Variants in TMEM132B observed in about 807,000 individuals in gnomAD.
TMEM132B encodes transmembrane protein 132B.
In TMEM132B, 18 loss-of-function variants were observed where a neutral mutation model predicts 90.8. The observed-to-expected ratio is 0.20, with a 90% CI of 0.14 to 0.29. TMEM132B has a LOEUF of 0.29. TMEM132B is among the 10% of genes least tolerant of loss of function. The probability of loss-of-function intolerance (pLI) is 1.00; values close to 1 mark genes in which losing one functional copy is unlikely to be tolerated. For missense variants in TMEM132B, 1,096 were observed against 1,326.8 expected (o/e 0.83, Z 2.70); for synonymous variants, 504 against 523.3 (o/e 0.96, Z 0.50).
intron 1 of TMEM132B, among the ~76,000 whole-genome samples, chr12:125,295,017 T>A (rs1875632236): frequency 6.6e-6 from 1 of 152,148 alleles, no homozygotes; most frequent in Non-Finnish European, 1.5e-5. Context: ...TGTGAGCCAC[T>A]CTAAGCTTTT....
At chr12:125,560,370 T>A (rs1884489342) in intron 4 of TMEM132B, among the ~76,000 whole-genome samples, 2 of 152,174 alleles carry the variant, frequency 1.3e-5, no homozygotes, top group African/African-American at 4.8e-5. Context: ...GTGTATATCT[T>A]CCTGAAATAA....
intron 3 of TMEM132B, among the ~76,000 whole-genome samples, chr12:125,519,215 T>G (rs1409869407): frequency 1.3e-5 from 2 of 152,226 alleles, no homozygotes; most frequent in African/African-American, 4.8e-5. Context: ...GACAGCCTGC[T>G]TTCTGCAACA....
chr12:125,338,617 G>A (rs1392478250), intron 1 of TMEM132B, among the ~76,000 whole-genome samples: 1 of 152,146 alleles, frequency 6.6e-6, no homozygotes, highest in Admixed American at 6.5e-5. Context: ...CCAGCAGGTA[G>A]CCAGGAGCCC....
chr12:125,346,673 T>C (rs2197777), intron 1 of TMEM132B, among the ~76,000 whole-genome samples: 45,259 of 152,172 alleles, frequency 0.3, 6,953 homozygotes, highest in South Asian at 0.43. Flanking sequence ...GCTAAAACTT[T>C]AGATGAGGCT....
In TMEM132B at chr12:125,451,966, T is replaced by C. The variant is rs993086064; in HGVS notation, c.1106+36289T>C. The stretch of plus-strand genomic sequence containing the variant: ...GGGTTCCCAAACAAATTAAAGTGTG[T>C]TGGGGGAAGGATGTTGAAAGATTTG... On this transcript the variant is annotated intron_variant, in intron 3 of 8. Coordinates refer to ENST00000682704, the MANE Select transcript of TMEM132B (RefSeq NM_001366854.1). 2.6e-5 allele frequency among the ~76,000 whole-genome samples: 4 copies of C among 152,216 alleles called. No individual in the cohort carries two copies. The East Asian group carries it at 7.7e-4, about 29-fold the overall frequency.
At chr12:125,436,140 T>C (rs1160351480) in intron 3 of TMEM132B, among the ~76,000 whole-genome samples, 1 of 152,108 alleles carries the variant, frequency 6.6e-6, no homozygotes, top group Admixed American at 6.5e-5. Context: ...GTAGAAAGGG[T>C]TTGGGCTCCG....
intron 4 of TMEM132B, among the ~76,000 whole-genome samples, chr12:125,539,830 AT>A (rs1219244020): frequency 6.6e-6 from 1 of 151,976 alleles, no homozygotes; most frequent in Admixed American, 6.6e-5. Flanking sequence ...TTTGCATTAT[AT>A]TTTCATATTT....
intron 3 of TMEM132B, among the ~76,000 whole-genome samples, chr12:125,449,781 A>G (rs1881101907): frequency 6.6e-6 from 1 of 152,188 alleles, no homozygotes; most frequent in Non-Finnish European, 1.5e-5. Flanking sequence ...CCTTAATTCA[A>G]AAATCCTGGT....
chr12:125,235,713 A>G (rs1250601529), intron 1 of TMEM132B, among the ~76,000 whole-genome samples: 2 of 151,814 alleles, frequency 1.3e-5, no homozygotes, highest in African/African-American at 4.8e-5. Context: ...GACTCGTACA[A>G]ATATGTGACC....
intron 3 of TMEM132B, among the ~76,000 whole-genome samples, chr12:125,416,535 C>T (rs1056866285): frequency 5.3e-5 from 8 of 152,224 alleles, no homozygotes; most frequent in Non-Finnish European, 1.2e-4. Flanking sequence ...TTAGGAATGG[C>T]GGAGGCCTTC....
intron 4 of TMEM132B, among the ~76,000 whole-genome samples, chr12:125,580,116 C>A (rs980361212): frequency 6.6e-6 from 1 of 152,128 alleles, no homozygotes; most frequent in Non-Finnish European, 1.5e-5. Flanking sequence ...CAAAATCAAC[C>A]AGAGGTGAAA....
intron 5 of TMEM132B, among the ~76,000 whole-genome samples, chr12:125,620,848 G>A (rs1277763046): frequency 6.6e-6 from 1 of 152,188 alleles, no homozygotes; most frequent in Non-Finnish European, 1.5e-5. Flanking sequence ...AAGAATAGCA[G>A]CATGAGAGTA....
intron 6 of TMEM132B, among the ~76,000 whole-genome samples, chr12:125,648,963 A>G (rs1172433252): frequency 6.6e-6 from 1 of 152,244 alleles, no homozygotes; most frequent in Non-Finnish European, 1.5e-5. Context: ...CTTTAAAGAC[A>G]TCCTAGCACA....
At chr12:125,269,556 C>T (rs1330399860) in intron 1 of TMEM132B, among the ~76,000 whole-genome samples, 2 of 152,132 alleles carry the variant, frequency 1.3e-5, no homozygotes, top group African/African-American at 4.8e-5. Flanking sequence ...GTACTGTGTT[C>T]TCACCCAGGA....
At chr12:125,570,737 A>G (rs1884771140) in intron 4 of TMEM132B, among the ~76,000 whole-genome samples, 1 of 152,212 alleles carries the variant, frequency 6.6e-6, no homozygotes, top group Admixed American at 6.5e-5. Flanking sequence ...TGGAGCCAAC[A>G]TCCTTGCTTA....
chr12:125,591,604 A>G lies in TMEM132B; in HGVS notation c.1437+7610A>G, dbSNP rs77942736. On this transcript the variant is annotated intron_variant, in intron 5 of 8. Coordinates refer to ENST00000682704, the MANE Select transcript of TMEM132B (RefSeq NM_001366854.1). ...TACCACAAACTTGATGGCTTAAACC[A>G]ATAGAAATTTGTCCTTTCGCAGTTC... Among the ~76,000 whole-genome samples the G allele has an allele frequency of 5.1e-4, 78 of 152,258 alleles. 1 individual carries two copies. In the East Asian group the frequency reaches 0.015, roughly 29 times the overall value.
At chr12:125,358,508 G>A (rs564034543) in intron 2 of TMEM132B, among the ~76,000 whole-genome samples, 1 of 152,056 alleles carries the variant, frequency 6.6e-6, no homozygotes, top group Admixed American at 6.5e-5. Context: ...CCTTCATTCT[G>A]TTTTTTTACA....
rs112032325 is a variant in TMEM132B at position 125,321,637 on chromosome 12, C to T, written c.68-27815C>T. 1.8e-3 allele frequency among the ~76,000 whole-genome samples: 272 copies of T among 152,048 alleles called. 2 individuals carry two copies. The highest frequency in any genetic ancestry group is 5.6e-3 in the African/African-American group (233 of 41,470). ...GGATTCCAGTGTGCACCACCATGCC[C>T]GGCTAATTTTTTGTGTTTTTAGTAG... is the stretch of plus-strand genomic sequence containing the variant. On this transcript the variant is annotated intron_variant, in intron 1 of 8. Coordinates refer to ENST00000682704, the MANE Select transcript of TMEM132B (RefSeq NM_001366854.1).
Position 125,661,805 on chromosome 12 carries a change from T to G in TMEM132B, c.*7095T>G, listed in dbSNP as rs867285611. 1.3e-5 allele frequency: 2 copies of G among 152,240 alleles called. No individual in the cohort carries two copies. Among genetic ancestry groups the G allele is most frequent in the East Asian group, 3.8e-4 (2 of 5,200 alleles). The allele number at this position is 152,240 out of a possible 1,614,324, so 9.4% of individuals were successfully genotyped here. On this transcript the variant is annotated 3_prime_UTR_variant, in exon 9 of 9. Coordinates refer to ENST00000682704, the MANE Select transcript of TMEM132B (RefSeq NM_001366854.1). ...TAAGTGGCTATAAAACACTGAAAGA[T>G]AGTCACATCCACATAGCGTGTATCA... is the stretch of plus-strand genomic sequence containing the variant.
Sources: gnomAD v4.1 joint callset for allele counts (sites outside exome capture counted in the v4.1 genomes callset) on GRCh38, gnomAD v4.1.1 for gene constraint, MANE v1.5 for transcripts, NCBI Gene and HGNC (gene_info 2026-07-23, HGNC 2026-07-21) for gene names.